The following JAKMIP1 variants were observed in gnomAD, a reference collection of about 807,000 sequenced individuals.
The protein encoded by JAKMIP1 is janus kinase and microtubule interacting protein 1.
A neutral mutation model predicts 113.0 loss-of-function variants in JAKMIP1; 33 were observed. That is an observed-to-expected ratio of 0.29 (90% CI 0.22 to 0.39). The LOEUF (loss-of-function observed/expected upper bound fraction) is 0.39, where lower values mean the gene tolerates loss of function less well. Among genes scored for constraint, JAKMIP1 ranks in the 10% least tolerant of loss-of-function variants. The probability of loss-of-function intolerance (pLI) is 1.00; values close to 1 mark genes in which losing one functional copy is unlikely to be tolerated. For missense variants in JAKMIP1, 813 were observed against 1,080.5 expected, an observed-to-expected ratio of 0.75 and a Z score of 3.47; for synonymous variants, 480 against 459.9, an observed-to-expected ratio of 1.04 and a Z score of -0.56.
chr4:6,189,521 A>C (rs903196041), intron 1 of JAKMIP1, among the ~76,000 whole-genome samples: 6 of 152,230 alleles, frequency 3.9e-5, no homozygotes, highest in Non-Finnish European at 8.8e-5. Flanking sequence ...CAACACTGAC[A>C]TTATGGGAAT....
In JAKMIP1 at chr4:6,158,056, G is replaced by A. The variant is rs368651492; in HGVS notation, c.-148+42197C>T. ...TGTGCTATGAGGTAGGGCTCAAGCT[G>A]TCGGCCAGCGCCGTCCCTCTCCCTG... On this transcript the variant is annotated intron_variant, in intron 1 of 20. Coordinates refer to ENST00000409021, the MANE Select transcript of JAKMIP1 (RefSeq NM_001099433.2). This position sits in a 1 kb window ranked among gnomAD's most constrained non-coding sequence, Gnocchi z 5.3. Among the ~76,000 whole-genome samples, 87 of 152,290 alleles carry A rather than the reference G, an allele frequency of 5.7e-4. No homozygotes were observed. The highest frequency in any genetic ancestry group is 1.9e-3 in the African/African-American group (77 of 41,558).
At chr4:6,121,192 C>A (rs578154433) in intron 1 of JAKMIP1, among the ~76,000 whole-genome samples, 2 of 85,506 alleles carry the variant, frequency 2.3e-5, no homozygotes, top group African/African-American at 9.0e-5. Context: ...AGAGCCAGAC[C>A]TTGTCTCAAA....
rs1409108695 is a variant in JAKMIP1 at position 6,080,340 on chromosome 4, C to T, written c.1102-28G>A. The T allele has an allele frequency of 1.9e-6, 3 of 1,609,068 alleles. No homozygotes were observed. Among genetic ancestry groups the T allele is most frequent in the Non-Finnish European group, 1.7e-6 (2 of 1,177,344 alleles). On this transcript the variant is annotated intron_variant, in intron 6 of 20. Transcript: ENST00000409021. The surrounding 1 kb of genome is among the most constrained non-coding windows in gnomAD (Gnocchi z 6.0). ...GCAGCCACAGGGAGACAGACCACCACAGGGTTACCCGCCAACAGTGTTTGT... is the reference window on the plus strand; with the variant it reads ...GCAGCCACAGGGAGACAGACCACCATAGGGTTACCCGCCAACAGTGTTTGT...
At position 6,085,644 on chromosome 4, in the gene JAKMIP1, G is replaced by C; in HGVS notation, c.625-15C>G. Reference sequence around the variant, plus strand: ...ATCTCATCCATCTGAAAAGGAGAAAGAATAAGCAGTCAGCCCTAGGGGCTC... The same window carrying C: ...ATCTCATCCATCTGAAAAGGAGAAACAATAAGCAGTCAGCCCTAGGGGCTC... On this transcript the variant is annotated splice_polypyrimidine_tract_variant and intron_variant, in intron 3 of 20. Coordinates refer to ENST00000409021, the MANE Select transcript of JAKMIP1 (RefSeq NM_001099433.2). 6.2e-7 allele frequency: 1 copy of C among 1,612,420 alleles called. No individual in the cohort carries two copies. The highest frequency in any genetic ancestry group is 8.5e-7 in the Non-Finnish European group (1 of 1,179,350).
rs897748666 is a variant in JAKMIP1 at position 6,042,878 on chromosome 4, G to A, written c.2029-651C>T. 6.6e-6 allele frequency among the ~76,000 whole-genome samples: 1 copy of A among 152,064 alleles called. No homozygotes were observed. The highest frequency in any genetic ancestry group is 2.4e-5 in the African/African-American group (1 of 41,396). On this transcript the variant is annotated intron_variant, in intron 16 of 20. Transcript: ENST00000409021. This position sits in a 1 kb window ranked among gnomAD's most constrained non-coding sequence, Gnocchi z 5.2. ...TTCATGCCAGGACATGAGGGCGCAGGCACGGAGAGTACGGGGTGAACAGGC... is the reference window on the plus strand; with the variant it reads ...TTCATGCCAGGACATGAGGGCGCAGACACGGAGAGTACGGGGTGAACAGGC...
In JAKMIP1 at chr4:6,173,595, A is replaced by G. The variant is rs141866874; in HGVS notation, c.-148+26658T>C. 9.8e-4 allele frequency among the ~76,000 whole-genome samples: 149 copies of G among 152,328 alleles called. 1 individual carries two copies. Among genetic ancestry groups the G allele is most frequent in the African/African-American group, 3.3e-3 (136 of 41,570 alleles). ...AGAAAAGTTCCAAAGACATCAAACA[A>G]TGAATCCCTTTACACCTTCATCTTG... On this transcript the variant is annotated intron_variant, in intron 1 of 20. Coordinates refer to ENST00000409021, the MANE Select transcript of JAKMIP1 (RefSeq NM_001099433.2).
At chr4:6,195,525 A>G (rs1453331510) in intron 1 of JAKMIP1, among the ~76,000 whole-genome samples, 1 of 152,234 alleles carries the variant, frequency 6.6e-6, no homozygotes, top group Admixed American at 6.5e-5. Flanking sequence ...TATCACACAC[A>G]TTCTCTTAAC....
chr4:6,107,733 G>A (rs7694508), intron 2 of JAKMIP1, among the ~76,000 whole-genome samples: 32 of 151,390 alleles, frequency 2.1e-4, no homozygotes, highest in African/African-American at 5.9e-4. Flanking sequence ...TAAAACTAAC[G>A]AATAACCTCT....
At chr4:6,198,185 G>A (rs758570345) in intron 1 of JAKMIP1, among the ~76,000 whole-genome samples, 9 of 152,240 alleles carry the variant, frequency 5.9e-5, no homozygotes, top group Non-Finnish European at 1.0e-4. Flanking sequence ...AAAAAGTTCT[G>A]AGAACACAAA....
intron 9 of JAKMIP1, among the ~76,000 whole-genome samples, chr4:6,063,668 G>A (rs1405705169): frequency 6.6e-6 from 1 of 152,234 alleles, no homozygotes; most frequent in Non-Finnish European, 1.5e-5. Flanking sequence ...CCACCTTGGG[G>A]TTGAATGTGC....
chr4:6,157,914 C>T lies in JAKMIP1; in HGVS notation c.-148+42339G>A, dbSNP rs1722442569. Reference sequence around the variant, plus strand: ...TTAGAACCAAGGGTGTCTTGCTTTGCATCAGCAGCACTAACTCCTGATGCA... The same window carrying T: ...TTAGAACCAAGGGTGTCTTGCTTTGTATCAGCAGCACTAACTCCTGATGCA... On this transcript the variant is annotated intron_variant, in intron 1 of 20. Transcript: ENST00000409021. This position sits in a 1 kb window ranked among gnomAD's most constrained non-coding sequence, Gnocchi z 4.7. Among the ~76,000 whole-genome samples the T allele has an allele frequency of 2.0e-5, 3 of 152,228 alleles. No individual in the cohort carries two copies. The South Asian group carries it at 6.2e-4, about 32-fold the overall frequency.
chr4:6,128,397 G>A (rs567131139), intron 1 of JAKMIP1, among the ~76,000 whole-genome samples: 9 of 152,266 alleles, frequency 5.9e-5, no homozygotes, highest in East Asian at 3.9e-4. Context: ...ACCTGCTTCC[G>A]TAGCTGGGGC....
Position 6,081,628 on chromosome 4 carries a change from G to A in JAKMIP1, c.1082C>T (p.Thr361Met), listed in dbSNP as rs762649151. 28 of 1,614,012 alleles carry A rather than the reference G, an allele frequency of 1.7e-5. No homozygotes were observed. Among genetic ancestry groups the A allele is most frequent in the East Asian group, 1.6e-4 (7 of 44,892 alleles). Residue 361 changes from threonine (T) to methionine (M), a missense_variant, in exon 6 of 21, where the codon ACG becomes ATG. This residue lies in a region of JAKMIP1 where 540 missense variants were observed against 653.9 expected (regional missense o/e 0.83). Transcript: ENST00000409021. This position sits in a 1 kb window ranked among gnomAD's most constrained non-coding sequence, Gnocchi z 4.6. ...GCTCACCATTTCCACGTTTTCCCGC[G>A]TGAGGTTCTTGATTTTCTCCTCCAT... ...QRMEEKIKNL[T>M]RENVEMKEKL...
Position 6,080,117 on chromosome 4 carries a change from T to C in JAKMIP1, c.1242+55A>G. 1 of 1,524,200 alleles carries C rather than the reference T, an allele frequency of 6.6e-7. No individual in the cohort carries two copies. The highest frequency in any genetic ancestry group is 1.4e-5 in the African/African-American group (1 of 72,968). The allele number at this position is 1,524,200 out of a possible 1,614,324, so 94.4% of individuals were successfully genotyped here. On this transcript the variant is annotated intron_variant, in intron 7 of 20. Coordinates refer to ENST00000409021, the MANE Select transcript of JAKMIP1 (RefSeq NM_001099433.2). This position sits in a 1 kb window ranked among gnomAD's most constrained non-coding sequence, Gnocchi z 6.0. ...CCCCAACACCCGTTCCTGACACCCA[T>C]GTCAGCTGGTGCCACCCCTGCCAGG... is the stretch of plus-strand genomic sequence containing the variant.
rs190488729 is a variant in JAKMIP1 at position 6,153,281 on chromosome 4, C to T, written c.-147-40284G>A. 1.6e-3 allele frequency among the ~76,000 whole-genome samples: 250 copies of T among 152,336 alleles called. 2 individuals carry two copies. Among genetic ancestry groups the T allele is most frequent in the African/African-American group, 5.9e-3 (244 of 41,578 alleles). On this transcript the variant is annotated intron_variant, in intron 1 of 20. Coordinates refer to ENST00000409021, the MANE Select transcript of JAKMIP1 (RefSeq NM_001099433.2). The surrounding 1 kb of genome is among the most constrained non-coding windows in gnomAD (Gnocchi z 4.9). ...TCTCAGCCTCAGCTCCAGGGGTCTT[C>T]CCCGAGCCTGGCCTCCTTCACACAG...
intron 1 of JAKMIP1, among the ~76,000 whole-genome samples, chr4:6,149,235 AG>A (rs1201140396): frequency 1.3e-5 from 2 of 152,242 alleles, no homozygotes; most frequent in Non-Finnish European, 2.9e-5. Flanking sequence ...TTTTAATAAA[AG>A]TAAAATCACG....
At chr4:6,056,643 G>A (rs376824678) in intron 12 of JAKMIP1, 54 bp downstream of exon 12, 135 of 1,412,002 alleles carry the variant, frequency 9.6e-5, no homozygotes, top group African/African-American at 1.8e-4. Flanking sequence ...GAGCAGGCCC[G>A]CGGGGTCCCA....
At chr4:6,189,984 G>A (rs745501977) in intron 1 of JAKMIP1, among the ~76,000 whole-genome samples, 2 of 152,186 alleles carry the variant, frequency 1.3e-5, no homozygotes, top group Non-Finnish European at 2.9e-5. Context: ...TCAGAGGAGA[G>A]AAGAAAGCCC....
chr4:6,066,427 A>G (rs185871744), intron 8 of JAKMIP1, among the ~76,000 whole-genome samples: 1 of 152,068 alleles, frequency 6.6e-6, no homozygotes, highest in African/African-American at 2.4e-5. Context: ...TGCTCACTGC[A>G]TCACCCCTCC....
Sources: allele counts gnomAD v4.1 joint callset (sites outside exome capture counted in the v4.1 genomes callset), GRCh38; gene constraint gnomAD v4.1.1; regional missense constraint gnomAD v4.1.1; non-coding constraint Gnocchi (gnomAD v3.1); transcripts MANE v1.5; gene names NCBI Gene and HGNC (gene_info 2026-07-23, HGNC 2026-07-21).